Variants in CHAMP1 observed in about 807,000 individuals in gnomAD.
CHAMP1 encodes the protein chromosome alignment maintaining phosphoprotein 1, also known as chromosome alignment-maintaining phosphoprotein 1.
In CHAMP1, 4 loss-of-function variants were observed where a neutral mutation model predicts 54.5. The ratio of observed to expected loss-of-function variants is 0.07; its 90% confidence interval spans 0.04 to 0.17. The LOEUF (loss-of-function observed/expected upper bound fraction) is 0.17. Ranked by LOEUF, CHAMP1 falls within the 10% of genes least tolerant of loss-of-function variation. The probability of loss-of-function intolerance (pLI) is 1.00; values close to 1 mark genes in which losing one functional copy is unlikely to be tolerated. For synonymous variants in CHAMP1, 368 were observed against 342.2 expected, an observed-to-expected ratio of 1.08 and a Z score of -0.83; for missense variants, 994 against 968.6, an observed-to-expected ratio of 1.03 and a Z score of -0.35.
intron 2 of CHAMP1, chr13:114,322,145 T>C (rs140114252): frequency 1.5e-4 from 23 of 151,572 alleles, no homozygotes; most frequent in African/African-American, 5.6e-4. Context: ...GTCCAAGCGA[T>C]TGGCCTGCCT....
chr13:114,324,914 C>A lies in CHAMP1; in HGVS notation c.1072C>A (p.Pro358Thr), dbSNP rs1008138305. 14 of 1,614,128 alleles carry A rather than the reference C, an allele frequency of 8.7e-6. No homozygotes were observed. Among genetic ancestry groups the A allele is most frequent in the Non-Finnish European group, 1.2e-5 (14 of 1,180,004 alleles). The change falls in exon 3 of 3, where the codon CCT (proline) becomes ACT (threonine). Residue 358 changes from proline to threonine, a missense_variant. Pro to Thr is a conservative substitution (Grantham distance 38). This residue lies in a region of CHAMP1 where 851 missense variants were observed against 701.3 expected (regional missense o/e 1.21). Coordinates refer to ENST00000361283, the MANE Select transcript of CHAMP1 (RefSeq NM_032436.4). ...WKPIPSVSPG[P>T]WKPTPSVSSA... ...ACCAATTCCTTCTGTATCTCCTGGA[C>A]CTTGGAAACCAACTCCATCTGTGTC...
chr13:114,319,632 T>C (rs2087143804), intron 1 of CHAMP1, among the ~76,000 whole-genome samples: 1 of 152,170 alleles, frequency 6.6e-6, no homozygotes, highest in South Asian at 2.1e-4. Context: ...GTGAAACATT[T>C]ATATGGAGGG....
intron 1 of CHAMP1, among the ~76,000 whole-genome samples, chr13:114,320,108 A>C (rs573104797): frequency 1.3e-5 from 2 of 152,312 alleles, no homozygotes; most frequent in South Asian, 4.1e-4. Context: ...AGATGTCAGA[A>C]TTAAAGCAGT....
Position 114,325,162 on chromosome 13 carries a change from A to C in CHAMP1, c.1320A>C (p.Arg440Ser), listed in dbSNP as rs868953957. ...GTCCAGCAGGATCTCCAGAGCTCAG[A>C]AAACCCTCAGGGTCACCAGATCTTT... ...IRSPAGSPEL[R>S]KPSGSPDLWK... Residue 440 changes from arginine to serine, a missense_variant, in exon 3 of 3, where the codon AGA (arginine) becomes AGC (serine). This residue lies in a region of CHAMP1 where 851 missense variants were observed against 701.3 expected (regional missense o/e 1.21). Coordinates refer to ENST00000361283, the MANE Select transcript of CHAMP1 (RefSeq NM_032436.4). The C allele has an allele frequency of 6.2e-7, 1 of 1,614,176 alleles. No individual in the cohort carries two copies. The highest frequency in any genetic ancestry group is 8.5e-7 in the Non-Finnish European group (1 of 1,180,034).
intron 1 of CHAMP1, among the ~76,000 whole-genome samples, chr13:114,316,232 T>A (rs976108357): frequency 6.6e-6 from 1 of 151,192 alleles, no homozygotes; most frequent in African/African-American, 2.4e-5. Context: ...TATGCGATCT[T>A]GGCCCACTGC....
Position 114,326,215 on chromosome 13 carries a change from T to C in CHAMP1, c.2373T>C (p.His791=), listed in dbSNP as rs1370098555. 6.2e-7 allele frequency: 1 copy of C among 1,601,216 alleles called. No individual in the cohort carries two copies. Among genetic ancestry groups the C allele is most frequent in the Non-Finnish European group, 8.5e-7 (1 of 1,174,276 alleles). The change falls in exon 3 of 3, where the codon CAT becomes CAC. Residue 791 remains histidine, a synonymous_variant. Coordinates refer to ENST00000361283, the MANE Select transcript of CHAMP1 (RefSeq NM_032436.4). ...KKHLTHCQSR[H]NEEANKKLME... The stretch of plus-strand genomic sequence containing the variant: ...ATTTAACTCATTGTCAAAGCCGGCA[T>C]AATGAAGAGGCAAATAAAAAGCTAA...
In CHAMP1 at chr13:114,325,825, A is replaced by G. The variant is rs1555379919; in HGVS notation, c.1983A>G (p.Glu661=). 1 of 1,614,196 alleles carries G rather than the reference A, an allele frequency of 6.2e-7. No individual in the cohort carries two copies. Among genetic ancestry groups the G allele is most frequent in the African/African-American group, 1.3e-5 (1 of 75,050 alleles). Residue 661 remains glutamate (E), a synonymous_variant, in exon 3 of 3, where the codon GAA becomes GAG. Coordinates refer to ENST00000361283, the MANE Select transcript of CHAMP1 (RefSeq NM_032436.4). ...SSSDQEQVDV[E]SIDFSKENKM... is the part of the protein sequence containing the mutation. The stretch of plus-strand genomic sequence containing the variant: ...GTGATCAAGAGCAGGTTGATGTGGA[A>G]TCCATTGATTTTAGCAAAGAGAACA...
At chr13:114,315,529 A>G (rs1324111980) in intron 1 of CHAMP1, among the ~76,000 whole-genome samples, 2 of 152,228 alleles carry the variant, frequency 1.3e-5, no homozygotes, top group South Asian at 2.1e-4. Flanking sequence ...TCATCTTTAG[A>G]AAGGAATGAA....
chr13:114,325,899 C>T lies in CHAMP1; in HGVS notation c.2057C>T (p.Thr686Ile). The change falls in exon 3 of 3, where the codon ACT (threonine) becomes ATT (isoleucine). Residue 686 changes from threonine (T) to isoleucine (I), a missense_variant. Physicochemically the swap from Thr to Ile is moderately conservative, Grantham distance 89 (BLOSUM62 -1). Transcript: ENST00000361283. ...PEQSRNVLQFTEEKEAFISEE... is the reference protein window; with the variant it reads ...PEQSRNVLQFIEEKEAFISEE... ...CAGTCTAGAAATGTGCTACAGTTTA[C>T]TGAAGAAAAAGAAGCTTTTATCTCT... 1 of 1,613,818 alleles carries T rather than the reference C, an allele frequency of 6.2e-7. No homozygotes were observed. Among genetic ancestry groups the T allele is most frequent in the Non-Finnish European group, 8.5e-7 (1 of 1,179,924 alleles).
intron 1 of CHAMP1, among the ~76,000 whole-genome samples, chr13:114,318,857 CTT>C (rs56669844): frequency 5.2e-3 from 126 of 24,162 alleles, no homozygotes; most frequent in African/African-American, 0.015. Flanking sequence ...TCCTGGTTGC[CTT>C]TTTTTTTTTT....
chr13:114,317,383 T>C (rs1029314755), intron 1 of CHAMP1, among the ~76,000 whole-genome samples: 1 of 151,486 alleles, frequency 6.6e-6, no homozygotes, highest in Non-Finnish European at 1.5e-5. Context: ...CCCAGCACTT[T>C]GAGAGGCCAA....
At position 114,324,587 on chromosome 13, in the gene CHAMP1, G is replaced by A. The variant is rs1555379530; in HGVS notation, c.745G>A (p.Val249Ile). ...PPSASSPESP[V>I]LAASPEPWGP... ...TTCAGCCTCATCTCCAGAGTCACCA[G>A]TTCTAGCTGCTTCCCCAGAACCTTG... The change falls in exon 3 of 3, where the codon GTT becomes ATT. Residue 249 changes from valine (V) to isoleucine (I), a missense_variant. Val to Ile is a conservative substitution (Grantham distance 29). Around this residue, in one of 3 missense-constraint regions of CHAMP1, gnomAD observed 851 missense variants for 701.3 expected, o/e 1.21. Transcript: ENST00000361283. The A allele has an allele frequency of 2.0e-5, 33 of 1,614,086 alleles. No individual in the cohort carries two copies. Among genetic ancestry groups the A allele is most frequent in the Non-Finnish European group, 2.6e-5 (31 of 1,180,006 alleles).
chr13:114,317,288 G>A (rs1460800951), intron 1 of CHAMP1, among the ~76,000 whole-genome samples: 1 of 151,522 alleles, frequency 6.6e-6, no homozygotes, highest in African/African-American at 2.4e-5. Context: ...GCCTCCCAAA[G>A]TGTTGGGATT....
intron 1 of CHAMP1, among the ~76,000 whole-genome samples, chr13:114,316,187 G>A (rs2139406500): frequency 6.6e-6 from 1 of 151,860 alleles, no homozygotes; most frequent in Admixed American, 6.6e-5. Flanking sequence ...TAATGAGCCA[G>A]AGTTTCACTT....
Position 114,327,185 on chromosome 13 carries a change from C to G in CHAMP1, c.*904C>G, listed in dbSNP as rs2087262394. 2 of 166,898 alleles carry G rather than the reference C, an allele frequency of 1.2e-5. No individual in the cohort carries two copies. Among genetic ancestry groups the G allele is most frequent in the African/African-American group, 4.8e-5 (2 of 41,394 alleles). The allele number at this position is 166,898 out of a possible 1,614,324, so 10.3% of individuals were successfully genotyped here. A position where few individuals can be genotyped will look rare whatever the true frequency, so the allele number is the denominator to read the frequency against. On this transcript the variant is annotated 3_prime_UTR_variant, in exon 3 of 3. Transcript: ENST00000361283. Reference sequence around the variant, plus strand: ...ACAGTAGAAAATTTTATAGACATTTCTGTTAAAGAAATATATCGATTTTAT... The same window carrying G: ...ACAGTAGAAAATTTTATAGACATTTGTGTTAAAGAAATATATCGATTTTAT...
In CHAMP1 at chr13:114,325,778, A is replaced by G; in HGVS notation, c.1936A>G (p.Ile646Val). ...YIKTDLDAMD[I>V]KGQESSSDQE... ...AAAAACAGATTTGGATGCGATGGAT[A>G]TTAAGGGCCAGGAATCAAGCAGTGA... Residue 646 changes from isoleucine to valine, a missense_variant, in exon 3 of 3, where the codon ATT (isoleucine) becomes GTT (valine). Physicochemically the swap from Ile to Val is conservative, Grantham distance 29. This residue lies in a region of CHAMP1 where 851 missense variants were observed against 701.3 expected (regional missense o/e 1.21). Transcript: ENST00000361283. 1.9e-5 allele frequency: 31 copies of G among 1,614,180 alleles called. No homozygotes were observed. Among genetic ancestry groups the G allele is most frequent in the Non-Finnish European group, 2.6e-5 (31 of 1,180,034 alleles).
In CHAMP1 at chr13:114,324,157, T is replaced by A. The variant is rs144710092; in HGVS notation, c.315T>A (p.Pro105=). ...ATCAGTTGAACAAAGAAACAGATCC[T>A]GTGAAAAGCCCTCCTCTTCCTGAAC... ...PKNQLNKETD[P]VKSPPLPEHQ... Residue 105 remains proline (P), a synonymous_variant, in exon 3 of 3, where the codon CCT becomes CCA. Coordinates refer to ENST00000361283, the MANE Select transcript of CHAMP1 (RefSeq NM_032436.4). 3.7e-4 allele frequency: 597 copies of A among 1,614,158 alleles called. 1 individual carries two copies. The highest frequency in any genetic ancestry group is 4.8e-4 in the Admixed American group (29 of 60,008).
At chr13:114,323,595 G>A (rs2087199383) in intron 2 of CHAMP1, 193 bp from the exon 3 acceptor site, 2 of 431,636 alleles carry the variant, frequency 4.6e-6, no homozygotes, top group Admixed American at 8.1e-5. Context: ...TAAATGAGAT[G>A]ATGTATGTGA....
rs1555379420 is a variant in CHAMP1, at chr13:114,324,311, C to G, written c.469C>G (p.Gln157Glu). 5.0e-6 allele frequency: 8 copies of G among 1,614,020 alleles called. No individual in the cohort carries two copies. The Admixed American group carries it at 1.3e-4, about 27-fold the overall frequency. ...KPTPLTPLEPQKPGSVVSPEL... is the reference protein window; with the variant it reads ...KPTPLTPLEPEKPGSVVSPEL... ...TACTCCTCTTACTCCCCTGGAGCCT[C>G]AGAAACCTGGCTCTGTTGTTTCTCC... Residue 157 changes from glutamine to glutamate, a missense_variant, in exon 3 of 3, where the codon CAG (glutamine) becomes GAG (glutamate). Physicochemically the swap from Gln to Glu is conservative, Grantham distance 29. This residue lies in a region of CHAMP1 where 851 missense variants were observed against 701.3 expected (regional missense o/e 1.21). Transcript: ENST00000361283.
Sources: allele counts gnomAD v4.1 joint callset (sites outside exome capture counted in the v4.1 genomes callset), GRCh38; gene constraint gnomAD v4.1.1; regional missense constraint gnomAD v4.1.1; transcripts MANE v1.5; gene names NCBI Gene and HGNC (gene_info 2026-07-23, HGNC 2026-07-21).